The following ADAMTS16 variants were observed in gnomAD, a reference collection of about 807,000 sequenced individuals.
ADAMTS16 encodes ADAM metallopeptidase with thrombospondin type 1 motif 16.
In ADAMTS16, 94 loss-of-function variants were observed where a neutral mutation model predicts 145.8. The observed-to-expected ratio is 0.64, with a 90% CI of 0.55 to 0.77. The LOEUF (loss-of-function observed/expected upper bound fraction) is 0.77. Among genes scored for constraint, ADAMTS16 ranks in the 30% least tolerant of loss-of-function variants. The pLI is 0.00. For synonymous variants in ADAMTS16, 659 were observed against 604.3 expected, an observed-to-expected ratio of 1.09 and a Z score of -1.33; for missense variants, 1,585 against 1,591.5, an observed-to-expected ratio of 1.00 and a Z score of 0.07.
chr5:5,258,742 G>A (rs1737887029), intron 17 of ADAMTS16, among the ~76,000 whole-genome samples: 1 of 152,058 alleles, frequency 6.6e-6, no homozygotes, highest in Non-Finnish European at 1.5e-5. Flanking sequence ...GGCCTAGAAG[G>A]GCAAGGCTGG....
intron 17 of ADAMTS16, among the ~76,000 whole-genome samples, chr5:5,247,837 G>A (rs1579339831): frequency 6.6e-6 from 1 of 152,248 alleles, no homozygotes; most frequent in African/African-American, 2.4e-5. Flanking sequence ...CCTCTGGTAA[G>A]ACATGTGAAG....
chr5:5,274,675 T>TAC (rs1738615967), intron 18 of ADAMTS16, among the ~76,000 whole-genome samples: 1 of 141,786 alleles, frequency 7.1e-6, no homozygotes, highest in Non-Finnish European at 1.6e-5. Context: ...TGTATATGTG[T>TAC]ATATATATAC....
At chr5:5,224,730 A>G (rs976281712) in intron 11 of ADAMTS16, among the ~76,000 whole-genome samples, 1 of 152,198 alleles carries the variant, frequency 6.6e-6, no homozygotes, top group African/African-American at 2.4e-5. Flanking sequence ...ATTAAAATGG[A>G]TTATTCAGGT....
At chr5:5,265,163 G>T (rs182634669) in intron 18 of ADAMTS16, among the ~76,000 whole-genome samples, 1 of 152,212 alleles carries the variant, frequency 6.6e-6, no homozygotes, top group Non-Finnish European at 1.5e-5. Context: ...CTTCCTGTCC[G>T]AAGGAAATGG....
rs754703516 is a variant in ADAMTS16, at chr5:5,317,395, CTTAT to C, written c.3412-728_3412-725del. Among the ~76,000 whole-genome samples, 47 of 145,236 alleles carry C rather than the reference CTTAT, an allele frequency of 3.2e-4. No individual in the cohort carries two copies. Among genetic ancestry groups the C allele is most frequent in the Non-Finnish European group, 4.5e-4 (30 of 66,596 alleles). The stretch of plus-strand genomic sequence containing the variant: ...ATCAGTATACTTACTTACTTACTTA[CTTAT>C]TTATTTATTTTTGAGATGGAGTTTT... On this transcript the variant is annotated intron_variant, in intron 21 of 22. Transcript: ENST00000274181. This position sits in a 1 kb window ranked among gnomAD's most constrained non-coding sequence, Gnocchi z 4.5.
chr5:5,228,357 G>A (rs1225052511), intron 11 of ADAMTS16, among the ~76,000 whole-genome samples: 1 of 152,108 alleles, frequency 6.6e-6, no homozygotes, highest in Non-Finnish European at 1.5e-5. Flanking sequence ...GATAAAGGAA[G>A]TACTAACTGT....
At chr5:5,169,332 C>T (rs1329045955) in intron 3 of ADAMTS16, among the ~76,000 whole-genome samples, 3 of 152,196 alleles carry the variant, frequency 2.0e-5, no homozygotes, top group Non-Finnish European at 4.4e-5. Context: ...CAGAAGGCCC[C>T]TCCAGTTTTG....
intron 18 of ADAMTS16, among the ~76,000 whole-genome samples, chr5:5,297,668 G>A (rs1466127026): frequency 6.6e-6 from 1 of 152,142 alleles, no homozygotes; most frequent in Non-Finnish European, 1.5e-5. Flanking sequence ...AGGAAAACCT[G>A]GTAAAAATGG....
chr5:5,211,914 C>T (rs1736279494), intron 10 of ADAMTS16, among the ~76,000 whole-genome samples: 1 of 152,064 alleles, frequency 6.6e-6, no homozygotes, highest in Admixed American at 6.6e-5. Flanking sequence ...ATATACTCTA[C>T]ATGTACTTTT....
At chr5:5,187,883 T>C (rs1579297754) in intron 6 of ADAMTS16, 75 bp downstream of exon 6, 1 of 1,054,970 alleles carries the variant, frequency 9.5e-7, no homozygotes, top group Non-Finnish European at 1.4e-6. Flanking sequence ...TTTTCTTTAA[T>C]ATAATTGTTC....
chr5:5,199,522 G>C (rs766976822), intron 8 of ADAMTS16, among the ~76,000 whole-genome samples: 3 of 152,214 alleles, frequency 2.0e-5, no homozygotes, highest in Non-Finnish European at 4.4e-5. Flanking sequence ...GTCAAGCACA[G>C]CCCGCCCATC....
intron 17 of ADAMTS16, among the ~76,000 whole-genome samples, chr5:5,256,621 T>C (rs1296051318): frequency 2.6e-5 from 4 of 152,170 alleles, no homozygotes; most frequent in African/African-American, 9.7e-5. Flanking sequence ...GAAAGAAAAC[T>C]AAGGACATTA....
chr5:5,262,680 T>G lies in ADAMTS16; in HGVS notation c.2686T>G (p.Cys896Gly), dbSNP rs1738074162. The change falls in exon 18 of 23, where the codon TGC (cysteine) becomes GGC (glycine). Residue 896 changes from cysteine to glycine, a missense_variant. Cys to Gly is a radical substitution (Grantham distance 159, BLOSUM62 -3). Coordinates refer to ENST00000274181, the MANE Select transcript of ADAMTS16 (RefSeq NM_139056.4). Reference sequence around the variant, plus strand: ...AGGACAGATGACCGTGAGAGAGGGCTGCTACAGAGACCTGAAGTTTCAAGT... The same window carrying G: ...AGGACAGATGACCGTGAGAGAGGGCGGCTACAGAGACCTGAAGTTTCAAGT... The part of the protein sequence containing the change: ...GGGQMTVREG[C>G]YRDLKFQVNM... 1 of 1,614,190 alleles carries G rather than the reference T, an allele frequency of 6.2e-7. No individual in the cohort carries two copies. Among genetic ancestry groups the G allele is most frequent in the Non-Finnish European group, 8.5e-7 (1 of 1,180,018 alleles).
In ADAMTS16 at chr5:5,310,665, CCACCAGATTCTG is replaced by C. The variant is rs1283802704; in HGVS notation, c.3411+3944_3411+3955del. 2.6e-5 allele frequency among the ~76,000 whole-genome samples: 4 copies of C among 152,182 alleles called. No homozygotes were observed. Among genetic ancestry groups the C allele is most frequent in the Non-Finnish European group, 5.9e-5 (4 of 68,022 alleles). ...CAAAGAACACCGAGGACTGCCAGCA[CCACCAGATTCTG>C]CACCAGGCATGACGGGCCCTCCCTC... On this transcript the variant is annotated intron_variant, in intron 21 of 22. Coordinates refer to ENST00000274181, the MANE Select transcript of ADAMTS16 (RefSeq NM_139056.4). The surrounding 1 kb of genome is among the most constrained non-coding windows in gnomAD (Gnocchi z 4.3).
At chr5:5,239,513 A>G (rs1737217403) in intron 15 of ADAMTS16, among the ~76,000 whole-genome samples, 168 bp from the exon 16 acceptor site, 1 of 152,226 alleles carries the variant, frequency 6.6e-6, no homozygotes. Flanking sequence ...TCCAATTGAT[A>G]AAAAGCAGCC....
intron 3 of ADAMTS16, among the ~76,000 whole-genome samples, chr5:5,163,686 T>G (rs1259803656): frequency 3.3e-5 from 5 of 152,266 alleles, no homozygotes; most frequent in Non-Finnish European, 7.3e-5. Context: ...GTTGTTGTAC[T>G]CAGTATTGCT....
chr5:5,209,047 T>C, intron 9 of ADAMTS16, 46 bp from the exon 10 acceptor site: 1 of 1,570,992 alleles, frequency 6.4e-7, no homozygotes, highest in Non-Finnish European at 8.6e-7. Context: ...AGTCCTTTGG[T>C]TACTCTACGG....
rs141201450 is a variant in ADAMTS16 at position 5,242,331 on chromosome 5, A to G, written c.2662+140A>G. 7.1e-4 allele frequency: 858 copies of G among 1,213,778 alleles called. 13 individuals are homozygous for G. The East Asian group carries it at 0.023, about 32-fold the overall frequency. The allele number at this position is 1,213,778 out of a possible 1,614,324, so 75.2% of individuals were successfully genotyped here. ...TAGCAGTGACATTCCCAAGGTGGGG[A>G]GTGGTGGTCCTGAGTGTCACTTGTC... On this transcript the variant is annotated intron_variant, in intron 17 of 22. Transcript: ENST00000274181.
At chr5:5,304,115 C>A (rs1209163272) in intron 20 of ADAMTS16, among the ~76,000 whole-genome samples, 7 of 152,296 alleles carry the variant, frequency 4.6e-5, no homozygotes, top group African/African-American at 1.7e-4. Context: ...GCAGGTGTAG[C>A]CACATTCCAG....
Sources: allele counts gnomAD v4.1 joint callset (sites outside exome capture counted in the v4.1 genomes callset), GRCh38; gene constraint gnomAD v4.1.1; non-coding constraint Gnocchi (gnomAD v3.1); transcripts MANE v1.5; gene names NCBI Gene and HGNC (gene_info 2026-07-23, HGNC 2026-07-21).